IL1R2: variants seen among roughly 807,000 people sequenced by gnomAD.
IL1R2 encodes interleukin-1 receptor type 2.
In IL1R2, 46 loss-of-function variants were observed where a neutral mutation model predicts 39.5. The ratio of observed to expected loss-of-function variants is 1.16; its 90% CI spans 0.92 to 1.49. IL1R2 has a LOEUF of 1.49. Ranked by LOEUF, IL1R2 falls within the 40% of genes most tolerant of loss-of-function variation. The pLI, the probability that IL1R2 is intolerant of heterozygous loss-of-function variation, is 0.00. For missense variants in IL1R2, 537 were observed against 502.0 expected (o/e 1.07, Z -0.67); for synonymous variants, 207 against 189.6 (o/e 1.09, Z -0.75).
In IL1R2 at chr2:102,026,079, A is replaced by G. The variant is rs376015781; in HGVS notation, c.888-32A>G. ...GAAAGACAAGCTTGCATTCGATACA[A>G]TCATAATTAAGTGAATGTTTTTTTA... On this transcript the variant is annotated intron_variant, in intron 7 of 8. Coordinates refer to ENST00000332549, the MANE Select transcript of IL1R2 (RefSeq NM_004633.4). The G allele has an allele frequency of 6.5e-5, 100 of 1,536,502 alleles. 1 individual carries two copies. Among genetic ancestry groups the G allele is most frequent in the East Asian group, 3.8e-4 (17 of 44,188 alleles).
At chr2:102,013,524 CAAAAAA>C (rs771727938) in intron 3 of IL1R2, among the ~76,000 whole-genome samples, 4 of 5,696 alleles carry the variant, frequency 7.0e-4, no homozygotes, top group African/African-American at 1.3e-3. Flanking sequence ...TCTATCACTG[CAAAAAA>C]AAAAAAAAAA....
chr2:102,004,701 G>T (rs796569643), intron 1 of IL1R2, among the ~76,000 whole-genome samples: 3 of 152,284 alleles, frequency 2.0e-5, no homozygotes, highest in African/African-American at 7.2e-5. Context: ...TCCCCTCTGG[G>T]CCTGCCAAAG....
chr2:102,010,336 G>T (rs559235528), intron 3 of IL1R2, among the ~76,000 whole-genome samples: 1 of 152,108 alleles, frequency 6.6e-6, no homozygotes, highest in Non-Finnish European at 1.5e-5. Context: ...CACTTTGGGC[G>T]GCCGAAGAGG....
In IL1R2 at chr2:102,020,476, C is replaced by T. The variant is rs3218948; in HGVS notation, c.688+664C>T. Among the ~76,000 whole-genome samples the T allele has an allele frequency of 8.5e-3, 1,290 of 152,258 alleles. 20 individuals carry two copies. Among genetic ancestry groups the T allele is most frequent in the African/African-American group, 0.03 (1,235 of 41,536 alleles). ...CCTGGACTTTGCCTTGGAGAGTGGG[C>T]CACACTTCTTTGTTTTTTATACTGA... On this transcript the variant is annotated intron_variant, in intron 5 of 8. Coordinates refer to ENST00000332549, the MANE Select transcript of IL1R2 (RefSeq NM_004633.4).
intron 2 of IL1R2, among the ~76,000 whole-genome samples, chr2:102,009,299 A>T (rs1011108687): frequency 6.6e-6 from 1 of 152,242 alleles, no homozygotes; most frequent in Non-Finnish European, 1.5e-5. Context: ...AACCTGATTT[A>T]ACTTTCTTCA....
At chr2:102,000,640 T>G (rs1002350929) in intron 1 of IL1R2, among the ~76,000 whole-genome samples, 5 of 152,174 alleles carry the variant, frequency 3.3e-5, no homozygotes, top group Admixed American at 6.5e-5. Flanking sequence ...ACTGTTTGGG[T>G]GGGCAGATAG....
intron 3 of IL1R2, among the ~76,000 whole-genome samples, chr2:102,011,620 T>C (rs900109737): frequency 2.6e-5 from 4 of 152,358 alleles, no homozygotes; most frequent in East Asian, 1.9e-4. Flanking sequence ...TGTTGAGTTG[T>C]AGGAGTTCTT....
In IL1R2 at chr2:101,992,326, G is replaced by GAC. The variant is rs1216396588; in HGVS notation, c.-62+316_-62+317insCA. Reference sequence around the variant, plus strand: ...AGAGACAGAGAAAGACAGAGACAGAGAGAGGCAGGGAGACAGAGAGAGACA... The same window carrying GAC: ...AGAGACAGAGAAAGACAGAGACAGAGACAGAGGCAGGGAGACAGAGAGAGACA... On this transcript the variant is annotated intron_variant, in intron 1 of 8. Transcript: ENST00000332549. Among the ~76,000 whole-genome samples the GAC allele has an allele frequency of 5.8e-3, 753 of 130,342 alleles. 7 individuals carry two copies. Among genetic ancestry groups the GAC allele is most frequent in the African/African-American group, 0.024 (715 of 29,288 alleles). The allele number at this position is 130,342 out of a possible 152,430, so 85.5% of individuals were successfully genotyped here. A position where few individuals can be genotyped will look rare whatever the true frequency, so the allele number is the denominator to read the frequency against.
At chr2:102,003,255 GGTGTCTGTGTCA>G (rs1398326675) in intron 1 of IL1R2, among the ~76,000 whole-genome samples, 3 of 133,188 alleles carry the variant, frequency 2.3e-5, no homozygotes, top group South Asian at 2.5e-4. Flanking sequence ...TGTCTGTGTC[GGTGTCTGTGTCA>G]GTGTCTAGGC....
At chr2:102,026,324 T>G in intron 8 of IL1R2, 71 bp downstream of exon 8, 1 of 1,141,662 alleles carries the variant, frequency 8.8e-7, no homozygotes, top group South Asian at 1.9e-5. Flanking sequence ...ACTAGACAAA[T>G]CTACTTGTTC....
intron 5 of IL1R2, among the ~76,000 whole-genome samples, chr2:102,020,516 TGG>T (rs1188641057): frequency 6.6e-6 from 1 of 152,212 alleles, no homozygotes; most frequent in Non-Finnish European, 1.5e-5. Flanking sequence ...TGATCACAAC[TGG>T]GGTCTTTTGA....
chr2:102,024,753 A>T (rs1020105997), intron 7 of IL1R2, 85 bp downstream of exon 7: 2 of 1,468,320 alleles, frequency 1.4e-6, no homozygotes, highest in East Asian at 4.8e-5. Flanking sequence ...CCCACATACC[A>T]CATTAAAAGT....
In IL1R2 at chr2:102,028,195, A is replaced by T. The variant is rs748040925; in HGVS notation, c.1031-31A>T. Reference sequence around the variant, plus strand: ...CCTCTTGTACAGTGAGAGACTGTTCAGCTCCTGATGTGACTCTGTTCTTCC... The same window carrying T: ...CCTCTTGTACAGTGAGAGACTGTTCTGCTCCTGATGTGACTCTGTTCTTCC... On this transcript the variant is annotated intron_variant, in intron 8 of 8. Coordinates refer to ENST00000332549, the MANE Select transcript of IL1R2 (RefSeq NM_004633.4). The T allele has an allele frequency of 3.2e-6, 5 of 1,574,254 alleles. No individual in the cohort carries two copies. The South Asian group carries it at 5.9e-5, about 19-fold the overall frequency.
intron 4 of IL1R2, among the ~76,000 whole-genome samples, chr2:102,017,157 G>T (rs1163897220): frequency 6.6e-6 from 1 of 152,064 alleles, no homozygotes; most frequent in East Asian, 1.9e-4. Context: ...CAGCACTCTG[G>T]CAGGCCAAGG....
chr2:102,017,390 C>A (rs1307353180), intron 4 of IL1R2, among the ~76,000 whole-genome samples: 6 of 132,986 alleles, frequency 4.5e-5, no homozygotes, highest in Non-Finnish European at 8.0e-5. Flanking sequence ...CAGTGAGACT[C>A]CATCTCAGAA....
intron 1 of IL1R2, among the ~76,000 whole-genome samples, 155 bp from the exon 2 acceptor site, chr2:102,008,358 AAC>A (rs140822797): frequency 6.6e-6 from 1 of 152,366 alleles, no homozygotes; most frequent in Non-Finnish European, 1.5e-5. Context: ...GCTGCAGAGA[AAC>A]AAATCCAAAA....
At chr2:102,007,116 G>T (rs1676315799) in intron 1 of IL1R2, among the ~76,000 whole-genome samples, 1 of 152,158 alleles carries the variant, frequency 6.6e-6, no homozygotes, top group Admixed American at 6.5e-5. Flanking sequence ...TTCAGTTCTG[G>T]GGTCGTTGGT....
intron 5 of IL1R2, among the ~76,000 whole-genome samples, chr2:102,021,073 G>C (rs1022064280): frequency 6.6e-6 from 1 of 152,190 alleles, no homozygotes; most frequent in Non-Finnish European, 1.5e-5. Context: ...CCATAGGGCA[G>C]CGCGTGACTT....
intron 3 of IL1R2, among the ~76,000 whole-genome samples, chr2:102,015,278 A>G (rs993631616): frequency 6.6e-6 from 1 of 152,200 alleles, no homozygotes; most frequent in African/African-American, 2.4e-5. Context: ...GGATTTCTTA[A>G]TGAACCTTGG....
Sources: gnomAD v4.1 joint callset for allele counts (sites outside exome capture counted in the v4.1 genomes callset) on GRCh38, gnomAD v4.1.1 for gene constraint, MANE v1.5 for transcripts, NCBI Gene and HGNC (gene_info 2026-07-23, HGNC 2026-07-21) for gene names.